SEMA6A: variants seen among roughly 807,000 people sequenced by gnomAD.
SEMA6A encodes the protein semaphorin 6A, also known as semaphorin-6A.
A neutral mutation model predicts 96.8 loss-of-function variants in SEMA6A; 25 were observed. The ratio of observed to expected loss-of-function variants is 0.26; its 90% CI spans 0.19 to 0.36. The LOEUF (loss-of-function observed/expected upper bound fraction) is 0.36. Among genes scored for constraint, SEMA6A ranks in the 10% least tolerant of loss-of-function variants. The pLI is 1.00. For missense variants in SEMA6A, 1,363 were observed against 1,323.1 expected (o/e 1.03, Z -0.47); for synonymous variants, 612 against 518.0 (o/e 1.18, Z -2.46).
In SEMA6A at chr5:116,574,067, A is replaced by G. The variant is rs574886568; in HGVS notation, c.-39+118T>C. 3 of 152,392 alleles carry G rather than the reference A, an allele frequency of 2.0e-5. No individual in the cohort carries two copies. The East Asian group carries it at 5.9e-4, about 30-fold the overall frequency. The allele number at this position is 152,392 out of a possible 1,614,324, so 9.4% of individuals were successfully genotyped here. On this transcript the variant is annotated intron_variant, in intron 1 of 18. Transcript: ENST00000343348. The stretch of plus-strand genomic sequence containing the variant: ...AAGGCTCGGGAAACAGAGACACAAG[A>G]CAAAATAAAACGCAGGCACCACAAA...
intron 1 of SEMA6A, among the ~76,000 whole-genome samples, chr5:116,552,912 T>C (rs1027235603): frequency 6.6e-6 from 1 of 152,164 alleles, no homozygotes; most frequent in Non-Finnish European, 1.5e-5. Flanking sequence ...AAGTTACTAA[T>C]GATGGCGATC....
chr5:116,504,619 C>T (rs568956856), intron 2 of SEMA6A, among the ~76,000 whole-genome samples: 32 of 152,274 alleles, frequency 2.1e-4, no homozygotes, highest in Non-Finnish European at 4.3e-4. Flanking sequence ...ATCAGGGTTA[C>T]GAGGGGCGTT....
intron 18 of SEMA6A, chr5:116,449,363 T>C (rs1754484664): frequency 1.4e-6 from 1 of 702,290 alleles, no homozygotes; most frequent in African/African-American, 1.7e-5. Flanking sequence ...AAATCAACTC[T>C]TTCTGGAATA....
intron 1 of SEMA6A, among the ~76,000 whole-genome samples, chr5:116,517,817 A>G (rs1204969276): frequency 1.3e-5 from 2 of 152,174 alleles, no homozygotes; most frequent in Admixed American, 1.3e-4. Flanking sequence ...ATGGCCAACT[A>G]CAAGGGAGTC....
rs767965905 is a variant in SEMA6A at position 116,473,059 on chromosome 5, A to G, written c.1729+14T>C. The G allele has an allele frequency of 1.5e-4, 245 of 1,590,302 alleles. 2 individuals carry two copies. In the South Asian group the frequency reaches 2.6e-3, roughly 17 times the overall value. On this transcript the variant is annotated intron_variant, in intron 17 of 18. Coordinates refer to ENST00000343348, the MANE Select transcript of SEMA6A (RefSeq NM_020796.5). The stretch of plus-strand genomic sequence containing the variant: ...TCCACCAGTATGGAATTATGAGAGT[A>G]ATATCTTCCTTACCATTCAGTGCCA...
intron 18 of SEMA6A, among the ~76,000 whole-genome samples, chr5:116,453,399 T>G (rs188103702): frequency 1.3e-5 from 2 of 152,324 alleles, no homozygotes; most frequent in East Asian, 3.9e-4. Flanking sequence ...TCATCACTAG[T>G]ATGATACTTG....
At chr5:116,493,190 C>T (rs1376679433) in intron 6 of SEMA6A, among the ~76,000 whole-genome samples, 2 of 152,160 alleles carry the variant, frequency 1.3e-5, no homozygotes, top group Non-Finnish European at 2.9e-5. Context: ...ATAAGCCAGA[C>T]CATTCATGGC....
At chr5:116,513,084 A>G (rs1758494810) in intron 1 of SEMA6A, among the ~76,000 whole-genome samples, 1 of 151,908 alleles carries the variant, frequency 6.6e-6, no homozygotes, top group Non-Finnish European at 1.5e-5. Flanking sequence ...ATGCATAATA[A>G]TCACATCAGG....
intron 17 of SEMA6A, chr5:116,467,977 A>G: frequency 1.9e-6 from 1 of 523,380 alleles, no homozygotes; most frequent in Non-Finnish European, 3.4e-6. Context: ...GCCAGATCCT[A>G]TCTCTCATAC....
At chr5:116,504,644 G>A (rs910053257) in intron 2 of SEMA6A, among the ~76,000 whole-genome samples, 43 of 152,318 alleles carry the variant, frequency 2.8e-4, no homozygotes, top group African/African-American at 7.5e-4. Context: ...ATCCTCACAC[G>A]TGTCCCCACA....
intron 10 of SEMA6A, among the ~76,000 whole-genome samples, chr5:116,483,983 G>A (rs1756915623): frequency 6.8e-6 from 1 of 147,232 alleles, no homozygotes; most frequent in Non-Finnish European, 1.5e-5. Flanking sequence ...AGAATTGCTT[G>A]AACCTGGGAA....
At chr5:116,501,322 G>A (rs79692431) in intron 3 of SEMA6A, among the ~76,000 whole-genome samples, 77 of 152,244 alleles carry the variant, frequency 5.1e-4, no homozygotes, top group African/African-American at 1.8e-3. Context: ...TGTTTGAGCC[G>A]TATTCTTACC....
chr5:116,526,820 C>G (rs75522635), intron 1 of SEMA6A, among the ~76,000 whole-genome samples: 1,706 of 152,160 alleles, frequency 0.011, 33 homozygotes, highest in African/African-American at 0.039. Flanking sequence ...TTTCTACTTG[C>G]AAATACAGGT....
Position 116,486,907 on chromosome 5 carries a change from G to T in SEMA6A, c.804C>A (p.Val268=). The T allele has an allele frequency of 6.2e-7, 1 of 1,613,756 alleles. No individual in the cohort carries two copies. Among genetic ancestry groups the T allele is most frequent in the Non-Finnish European group, 8.5e-7 (1 of 1,179,778 alleles). The change falls in exon 10 of 19, where the codon GTC becomes GTA. Residue 268 remains valine (V), a synonymous_variant. Coordinates refer to ENST00000343348, the MANE Select transcript of SEMA6A (RefSeq NM_020796.5). ...CKNDMGGSQR[V]LEKQWTSFLK... Reference sequence around the variant, plus strand: ...GGAACGACGTCCACTGTTTCTCCAGGACTCTTTGAGATCCTCCCATATCAT... The same window carrying T: ...GGAACGACGTCCACTGTTTCTCCAGTACTCTTTGAGATCCTCCCATATCAT...
chr5:116,460,783 CTTTTTTT>C (rs57285277), intron 18 of SEMA6A, among the ~76,000 whole-genome samples: 6 of 122,848 alleles, frequency 4.9e-5, no homozygotes, highest in African/African-American at 1.5e-4. Flanking sequence ...TTGTTAATCT[CTTTTTTT>C]TTTTTTTTTT....
intron 1 of SEMA6A, among the ~76,000 whole-genome samples, chr5:116,517,652 C>G (rs2112807199): frequency 6.6e-6 from 1 of 152,262 alleles, no homozygotes; most frequent in South Asian, 2.1e-4. Flanking sequence ...CAGACTTCCA[C>G]AAAATAAGTG....
chr5:116,498,378 G>C (rs1757709777), intron 3 of SEMA6A: 1 of 152,140 alleles, frequency 6.6e-6, no homozygotes, highest in Admixed American at 6.6e-5. Context: ...GAGGTGATAA[G>C]AAAGGAATTA....
intron 17 of SEMA6A, among the ~76,000 whole-genome samples, chr5:116,470,071 G>A (rs1399211395): frequency 6.6e-6 from 1 of 152,158 alleles, no homozygotes; most frequent in Admixed American, 6.5e-5. Flanking sequence ...ACACGTGCCA[G>A]TGGTGAATTA....
chr5:116,552,252 T>TC (rs1479503780), intron 1 of SEMA6A, among the ~76,000 whole-genome samples: 1 of 151,872 alleles, frequency 6.6e-6, no homozygotes, highest in Non-Finnish European at 1.5e-5. Context: ...AGTCAATCAT[T>TC]TTTTTTCAGT....
Sources: allele counts gnomAD v4.1 joint callset (sites outside exome capture counted in the v4.1 genomes callset), GRCh38; gene constraint gnomAD v4.1.1; transcripts MANE v1.5; gene names NCBI Gene and HGNC (gene_info 2026-07-23, HGNC 2026-07-21).